Variants in CGNL1 observed in about 807,000 individuals in gnomAD.
CGNL1 encodes the protein cingulin like 1.
Under a neutral mutation model 141.2 loss-of-function variants are expected in CGNL1, and 132 were observed. The observed-to-expected ratio is 0.93, with a 90% CI of 0.81 to 1.08. The LOEUF (loss-of-function observed/expected upper bound fraction) is 1.08, where lower values mean the gene tolerates loss of function less well. Among genes scored for constraint, CGNL1 ranks in the 50% least tolerant of loss-of-function variants. CGNL1 has a pLI of 0.00. For missense variants in CGNL1, 1,870 were observed against 1,588.6 expected, an observed-to-expected ratio of 1.18 and a Z score of -3.01; for synonymous variants, 690 against 622.1, an observed-to-expected ratio of 1.11 and a Z score of -1.63.
intron 1 of CGNL1, among the ~76,000 whole-genome samples, chr15:57,410,340 C>A (rs1055080853): frequency 2.0e-5 from 3 of 152,208 alleles, no homozygotes; most frequent in Non-Finnish European, 1.5e-5. Context: ...CATGATAGTT[C>A]CTCAGTAAAC....
At chr15:57,398,095 A>G (rs776120275) in intron 1 of CGNL1, among the ~76,000 whole-genome samples, 3 of 152,122 alleles carry the variant, frequency 2.0e-5, no homozygotes, top group African/African-American at 4.8e-5. Flanking sequence ...TTAAATTTCA[A>G]TCTTTCTTTC....
At chr15:57,535,720 C>T (rs958237028) in intron 14 of CGNL1, among the ~76,000 whole-genome samples, 18 of 152,078 alleles carry the variant, frequency 1.2e-4, no homozygotes, top group Admixed American at 4.6e-4. Flanking sequence ...GGGCAGCCAT[C>T]GAAGGCGATT....
chr15:57,440,628 G>T (rs2063175226), intron 3 of CGNL1, among the ~76,000 whole-genome samples, 157 bp downstream of exon 3: 1 of 152,144 alleles, frequency 6.6e-6, no homozygotes, highest in South Asian at 2.1e-4. Flanking sequence ...GACGGCATTT[G>T]TCTTGTGTGG....
At chr15:57,395,615 A>C (rs1664449) in intron 1 of CGNL1, among the ~76,000 whole-genome samples, 87,519 of 151,834 alleles carry the variant, frequency 0.58, 25,468 homozygotes, top group African/African-American at 0.61. Flanking sequence ...GCCCCAAGTA[A>C]GACATGAGTA....
At chr15:57,518,852 C>G (rs1994889) in intron 10 of CGNL1, among the ~76,000 whole-genome samples, 20,003 of 152,206 alleles carry the variant, frequency 0.13, 1,863 homozygotes, top group East Asian at 0.45. Flanking sequence ...GGAGAGCCCT[C>G]CGTTTAGACG....
chr15:57,445,434 A>G (rs1194408005), intron 4 of CGNL1, among the ~76,000 whole-genome samples: 1 of 152,070 alleles, frequency 6.6e-6, no homozygotes, highest in Non-Finnish European at 1.5e-5. Context: ...AAGGTTTTAG[A>G]GTTTTATCTT....
At chr15:57,509,099 T>C (rs185466559) in intron 8 of CGNL1, among the ~76,000 whole-genome samples, 2 of 152,294 alleles carry the variant, frequency 1.3e-5, no homozygotes, top group African/African-American at 4.8e-5. Flanking sequence ...CGCATTATTG[T>C]GACCCGGGCC....
intron 8 of CGNL1, among the ~76,000 whole-genome samples, chr15:57,465,158 G>A (rs925735779): frequency 6.6e-6 from 1 of 151,914 alleles, no homozygotes; most frequent in African/African-American, 2.4e-5. Context: ...ATTTTATGGG[G>A]GACAAATGTG....
intron 1 of CGNL1, among the ~76,000 whole-genome samples, chr15:57,388,016 T>G (rs1479996343): frequency 6.6e-6 from 1 of 152,178 alleles, no homozygotes; most frequent in African/African-American, 2.4e-5. Flanking sequence ...ACCAGCTCCT[T>G]GGAGAGAGAC....
chr15:57,520,041 A>G (rs2031142409), intron 10 of CGNL1, among the ~76,000 whole-genome samples: 1 of 152,184 alleles, frequency 6.6e-6, no homozygotes, highest in African/African-American at 2.4e-5. Context: ...CTTGGAAATT[A>G]TCCCTGACAT....
chr15:57,390,437 T>C (rs1567088772), intron 1 of CGNL1, among the ~76,000 whole-genome samples: 1 of 152,204 alleles, frequency 6.6e-6, no homozygotes, highest in South Asian at 2.1e-4. Flanking sequence ...ACAAATTGCA[T>C]TGTCAAGCCC....
rs143339796 is a variant in CGNL1, at chr15:57,539,236, C to T, written c.3292-4460C>T. Reference sequence around the variant, plus strand: ...AGTTTTTCTTTATCCCTTCACTTTTCGGAAAATAATCTACCTTCCGTCCCT... The same window carrying T: ...AGTTTTTCTTTATCCCTTCACTTTTTGGAAAATAATCTACCTTCCGTCCCT... On this transcript the variant is annotated intron_variant, in intron 14 of 18. Coordinates refer to ENST00000281282, the MANE Select transcript of CGNL1 (RefSeq NM_032866.5). 1.7e-3 allele frequency among the ~76,000 whole-genome samples: 260 copies of T among 152,242 alleles called. 1 individual carries two copies. Among genetic ancestry groups the T allele is most frequent in the African/African-American group, 5.5e-3 (228 of 41,542 alleles).
chr15:57,429,051 A>C (rs1311834852), intron 1 of CGNL1, among the ~76,000 whole-genome samples: 1 of 151,808 alleles, frequency 6.6e-6, no homozygotes, highest in African/African-American at 2.4e-5. Flanking sequence ...AAAAAAAAAA[A>C]GTGCAGCTGC....
chr15:57,479,493 G>T (rs1229994689), intron 8 of CGNL1, among the ~76,000 whole-genome samples: 1 of 151,998 alleles, frequency 6.6e-6, no homozygotes, highest in Non-Finnish European at 1.5e-5. Context: ...GTGAAACCCT[G>T]TCTCTACTAA....
chr15:57,401,127 A>G (rs1298920144), intron 1 of CGNL1, among the ~76,000 whole-genome samples: 1 of 151,998 alleles, frequency 6.6e-6, no homozygotes, highest in Middle Eastern at 3.4e-3. Context: ...TATACTTTCT[A>G]TGGCTGTGTA....
At chr15:57,536,346 G>C (rs1224755243) in intron 14 of CGNL1, among the ~76,000 whole-genome samples, 1 of 152,130 alleles carries the variant, frequency 6.6e-6, no homozygotes, top group Non-Finnish European at 1.5e-5. Context: ...CCTTTCTAAG[G>C]GCTTCCTTTA....
chr15:57,509,963 A>G (rs2030106792), intron 8 of CGNL1, among the ~76,000 whole-genome samples: 1 of 152,230 alleles, frequency 6.6e-6, no homozygotes, highest in South Asian at 2.1e-4. Flanking sequence ...AAATTAGCCA[A>G]CCAAGAAACC....
At chr15:57,484,875 A>G (rs1157797278) in intron 8 of CGNL1, among the ~76,000 whole-genome samples, 2 of 151,628 alleles carry the variant, frequency 1.3e-5, no homozygotes, top group Non-Finnish European at 2.9e-5. Context: ...ATGTCCCTGC[A>G]AAGGATATGA....
At chr15:57,388,530 G>A (rs551162254) in intron 1 of CGNL1, among the ~76,000 whole-genome samples, 2 of 152,330 alleles carry the variant, frequency 1.3e-5, no homozygotes, top group African/African-American at 4.8e-5. Context: ...TCAGAGCAGT[G>A]TCTGCAGAGG....
Sources: gnomAD v4.1 joint callset for allele counts (sites outside exome capture counted in the v4.1 genomes callset) on GRCh38, gnomAD v4.1.1 for gene constraint, MANE v1.5 for transcripts, NCBI Gene and HGNC (gene_info 2026-07-23, HGNC 2026-07-21) for gene names.